Variants in MAST4 observed in about 807,000 individuals in gnomAD.
MAST4 encodes microtubule associated serine/threonine kinase family member 4.
MAST4 carries 89 observed loss-of-function variants against 162.7 expected under a neutral mutation model. That is an observed-to-expected ratio of 0.55 (90% CI 0.46 to 0.65). MAST4 has a LOEUF of 0.65. Ranked by LOEUF, MAST4 falls within the 30% of genes least tolerant of loss-of-function variation. The probability of loss-of-function intolerance (pLI) is 0.00; values close to 1 mark genes in which losing one functional copy is unlikely to be tolerated. For synonymous variants in MAST4, 1,479 were observed against 1,361.1 expected, an observed-to-expected ratio of 1.09 and a Z score of -1.91; for missense variants, 3,153 against 3,374.0, an observed-to-expected ratio of 0.93 and a Z score of 1.62.
At chr5:67,139,067 C>G (rs1395112814) in intron 19 of MAST4, among the ~76,000 whole-genome samples, 1 of 152,142 alleles carries the variant, frequency 6.6e-6, no homozygotes, top group African/African-American at 2.4e-5. Flanking sequence ...AACAAATCCC[C>G]TAACAGAAAT....
At chr5:66,781,004 T>A (rs1452678638) in intron 2 of MAST4, among the ~76,000 whole-genome samples, 1 of 152,230 alleles carries the variant, frequency 6.6e-6, no homozygotes, top group Non-Finnish European at 1.5e-5. Context: ...TCTTTCAGCA[T>A]GTCTCCAAGG....
rs150626752 is a variant in MAST4 at position 66,645,144 on chromosome 5, C to T, written c.363+48126C>T. Reference sequence around the variant, plus strand: ...TTTAATCCACATGATGTCACCTGTGCCCAGGCAAGATTAGAACCACTCTAA... The same window carrying T: ...TTTAATCCACATGATGTCACCTGTGTCCAGGCAAGATTAGAACCACTCTAA... On this transcript the variant is annotated intron_variant, in intron 1 of 28. Transcript: ENST00000403625. Among the ~76,000 whole-genome samples the T allele has an allele frequency of 8.4e-4, 128 of 152,046 alleles. No individual in the cohort carries two copies. In the East Asian group the frequency reaches 0.02, roughly 24 times the overall value.
chr5:66,879,854 A>G (rs25832), intron 3 of MAST4, among the ~76,000 whole-genome samples: 42,518 of 152,134 alleles, frequency 0.28, 6,167 homozygotes, highest in East Asian at 0.53. Context: ...TGTAGGTTAG[A>G]ACAACTTCTG....
At chr5:67,159,455 G>T (rs7734689) in intron 26 of MAST4, among the ~76,000 whole-genome samples, 5,612 of 152,226 alleles carry the variant, frequency 0.037, 121 homozygotes, top group Non-Finnish European at 0.049. Context: ...TCAGTCCTCT[G>T]CTGCCACCAT....
intron 1 of MAST4, among the ~76,000 whole-genome samples, chr5:66,622,345 G>A (rs1424122302): frequency 6.6e-6 from 1 of 151,658 alleles, no homozygotes; most frequent in African/African-American, 2.4e-5. Context: ...GTGGGAGAGA[G>A]TTGTAGGAGA....
At chr5:67,134,966 A>G (rs898237381) in intron 18 of MAST4, among the ~76,000 whole-genome samples, 1 of 152,172 alleles carries the variant, frequency 6.6e-6, no homozygotes, top group African/African-American at 2.4e-5. Flanking sequence ...TGCAAAGGAA[A>G]TTGGTGTGGG....
At chr5:66,645,095 G>T (rs1357100145) in intron 1 of MAST4, among the ~76,000 whole-genome samples, 2 of 152,068 alleles carry the variant, frequency 1.3e-5, no homozygotes, top group African/African-American at 4.8e-5. Flanking sequence ...TTGAAGGTGG[G>T]ATGGGAAGGG....
chr5:66,723,261 T>G lies in MAST4; in HGVS notation c.364-36448T>G, dbSNP rs80143587. Among the ~76,000 whole-genome samples the G allele has an allele frequency of 1.0e-3, 157 of 152,320 alleles. 3 individuals carry two copies. The East Asian group carries it at 0.026, about 25-fold the overall frequency. On this transcript the variant is annotated intron_variant, in intron 1 of 28. Coordinates refer to ENST00000403625, the MANE Select transcript of MAST4 (RefSeq NM_001164664.2). ...AGAATGTTAGTTGACCATTTCTCAGTCCTAAAGGGTTCTTCTTTCTATTAG... is the reference window on the plus strand; with the variant it reads ...AGAATGTTAGTTGACCATTTCTCAGGCCTAAAGGGTTCTTCTTTCTATTAG...
intron 26 of MAST4, among the ~76,000 whole-genome samples, chr5:67,155,192 T>G (rs1260426545): frequency 6.6e-6 from 1 of 152,212 alleles, no homozygotes; most frequent in Non-Finnish European, 1.5e-5. Context: ...CTTCACAACT[T>G]CAAAGTGAAC....
chr5:66,740,769 T>C (rs760047553), intron 1 of MAST4, among the ~76,000 whole-genome samples: 4 of 152,168 alleles, frequency 2.6e-5, no homozygotes, highest in Admixed American at 6.5e-5. Context: ...TGTTGGTCTG[T>C]GGCTGGGTGA....
At chr5:67,124,598 A>G (rs1767988292) in intron 14 of MAST4, among the ~76,000 whole-genome samples, 1 of 152,212 alleles carries the variant, frequency 6.6e-6, no homozygotes, top group Non-Finnish European at 1.5e-5. Context: ...AACAAAAAAA[A>G]TCCACCCACA....
At position 67,054,420 on chromosome 5, in the gene MAST4, C is replaced by T. The variant is rs1276494565; in HGVS notation, c.691C>T (p.Arg231Trp). 1.9e-5 allele frequency: 31 copies of T among 1,606,184 alleles called. No homozygotes were observed. Among genetic ancestry groups the T allele is most frequent in the Admixed American group, 3.4e-5 (2 of 58,860 alleles). The change falls in exon 5 of 29, where the codon CGG becomes TGG. Residue 231 changes from arginine to tryptophan, a missense_variant. Physicochemically the swap from Arg to Trp is moderately radical, Grantham distance 101. This residue lies in a region of MAST4 where 327 missense variants were observed against 336.5 expected (regional missense o/e 0.97). Transcript: ENST00000403625. ...TTTTGATAGTTGCCGAACAAGCAAC[C>T]GGAAAAGCTTAATAGGCAATGGGCA... is the stretch of plus-strand genomic sequence containing the variant. ...RRGSFCRTSN[R>W]KSLIGNGQSP...
At chr5:66,837,890 ATATATTTTTTTTTTTTTT>A (rs1325969535) in intron 3 of MAST4, among the ~76,000 whole-genome samples, 3 of 28,072 alleles carry the variant, frequency 1.1e-4, no homozygotes, top group Admixed American at 3.9e-4. Flanking sequence ...ATATATATAT[ATATATTTTTTTTTTTTTT>A]TTTTTTTTTA....
rs1258241570 is a variant in MAST4 at position 67,166,364 on chromosome 5, T to G, written c.7185T>G (p.His2395Gln). ...TCGAGGCCGGCCTTTCCTTTGTGCA[T>G]AGCGAGAACCGGTTGAAAGGCGCGG... is the stretch of plus-strand genomic sequence containing the variant. ...DKLEAGLSFV[H>Q]SENRLKGAER... The change falls in exon 29 of 29, where the codon CAT (histidine) becomes CAG (glutamine). Residue 2395 changes from histidine to glutamine, a missense_variant. His to Gln is a conservative substitution (Grantham distance 24). Coordinates refer to ENST00000403625, the MANE Select transcript of MAST4 (RefSeq NM_001164664.2). 2.5e-6 allele frequency: 4 copies of G among 1,610,928 alleles called. No homozygotes were observed. The highest frequency in any genetic ancestry group is 3.4e-6 in the Non-Finnish European group (4 of 1,178,618).
chr5:66,745,406 C>T (rs537372711), intron 1 of MAST4, among the ~76,000 whole-genome samples: 96 of 152,176 alleles, frequency 6.3e-4, no homozygotes, highest in Non-Finnish European at 1.2e-3. Context: ...CCTCTTAGAA[C>T]GTGGTGGATG....
chr5:67,004,926 C>T (rs1751792538), intron 4 of MAST4: 1 of 696,870 alleles, frequency 1.4e-6, no homozygotes, highest in Non-Finnish European at 2.7e-6. Context: ...GTCTTTCTTC[C>T]TTTTTTTTAC....
intron 4 of MAST4, chr5:66,963,831 G>C (rs1362705954): frequency 5.1e-6 from 4 of 777,978 alleles, no homozygotes; most frequent in Middle Eastern, 2.3e-4. Context: ...TTGTCTTTCT[G>C]TTGCCCCATT....
At chr5:66,685,262 C>CAAACAAAACAAAACAAAACAAAACA (rs60672976) in intron 1 of MAST4, among the ~76,000 whole-genome samples, 33 of 144,006 alleles carry the variant, frequency 2.3e-4, no homozygotes, top group South Asian at 6.8e-4. Context: ...GACCTTGTCT[C>CAAACAAAACAAAACAAAACAAAACA]AAACAAAACA....
chr5:66,706,957 G>A (rs192209506), intron 1 of MAST4, among the ~76,000 whole-genome samples: 2 of 152,288 alleles, frequency 1.3e-5, no homozygotes, highest in East Asian at 1.9e-4. Context: ...AACTGCGGAT[G>A]CCGTGCTAGC....
Sources: gnomAD v4.1 joint callset for allele counts (sites outside exome capture counted in the v4.1 genomes callset) on GRCh38, gnomAD v4.1.1 for gene constraint, gnomAD v4.1.1 regional missense constraint, MANE v1.5 for transcripts, NCBI Gene and HGNC (gene_info 2026-07-23, HGNC 2026-07-21) for gene names.